Variants in RAC2 observed in about 807,000 individuals in gnomAD.
RAC2 encodes ras-related C3 botulinum toxin substrate 2.
RAC2 carries 1 observed loss-of-function variant against 24.0 expected under a neutral mutation model. The ratio of observed to expected loss-of-function variants is 0.04; its 90% CI spans 0.01 to 0.20. RAC2 has a LOEUF of 0.20. Among genes scored for constraint, RAC2 ranks in the 10% least tolerant of loss-of-function variants. RAC2 has a pLI of 1.00. For missense variants in RAC2, 130 were observed against 259.1 expected (o/e 0.50, Z 3.42); for synonymous variants, 114 against 106.8 (o/e 1.07, Z -0.41).
At chr22:37,237,556 G>A (rs567447597) in intron 2 of RAC2, among the ~76,000 whole-genome samples, 1 of 152,134 alleles carries the variant, frequency 6.6e-6, no homozygotes, top group Non-Finnish European at 1.5e-5. Flanking sequence ...ACACAGCTAG[G>A]GAGGCTGATG....
At chr22:37,228,849 C>A (rs1926967051) in intron 5 of RAC2, among the ~76,000 whole-genome samples, 1 of 152,182 alleles carries the variant, frequency 6.6e-6, no homozygotes, top group Admixed American at 6.5e-5. Context: ...ATGTCACTCG[C>A]TCTGAGTCAC....
At chr22:37,239,901 C>T (rs959964990) in intron 2 of RAC2, among the ~76,000 whole-genome samples, 8 of 152,142 alleles carry the variant, frequency 5.3e-5, no homozygotes, top group African/African-American at 1.7e-4. Context: ...ACCTGATAAA[C>T]GTTTGATAGT....
intron 1 of RAC2, among the ~76,000 whole-genome samples, chr22:37,243,157 C>T (rs9622588): frequency 3.2e-4 from 49 of 152,334 alleles, no homozygotes; most frequent in African/African-American, 1.2e-3. Context: ...TATGCCACCA[C>T]TCCTGGCTTA....
At chr22:37,232,270 G>A (rs1927089397) in intron 3 of RAC2, 1 of 539,288 alleles carries the variant, frequency 1.9e-6, no homozygotes, top group Admixed American at 3.1e-5. Context: ...TCCTCAGACA[G>A]GGAAAGTGAG....
Position 37,231,205 on chromosome 22 carries a change from C to T in RAC2, c.448+26G>A, listed in dbSNP as rs775778136. 4.3e-6 allele frequency: 7 copies of T among 1,612,228 alleles called. No homozygotes were observed. In the Admixed American group the frequency reaches 6.7e-5, roughly 15 times the overall value. The stretch of plus-strand genomic sequence containing the variant: ...GTCAGGGCCTCCCCTGCAGCCAGAT[C>T]GCCCCTCTGAGCCCGAGGCCCATAC... On this transcript the variant is annotated intron_variant, in intron 5 of 6. Transcript: ENST00000249071. This position sits in a 1 kb window ranked among gnomAD's most constrained non-coding sequence, Gnocchi z 5.5.
Position 37,231,408 on chromosome 22 carries a change from G to C in RAC2, c.289-18C>G. ...GGGAACCACTGGGCAGGTGGGTGGG[G>C]GGACACAAGGTTGTATGGGTCAAGA... On this transcript the variant is annotated intron_variant, in intron 4 of 6. Transcript: ENST00000249071. The surrounding 1 kb of genome is among the most constrained non-coding windows in gnomAD (Gnocchi z 5.5). 1 of 1,613,674 alleles carries C rather than the reference G, an allele frequency of 6.2e-7. No individual in the cohort carries two copies. The highest frequency in any genetic ancestry group is 8.5e-7 in the Non-Finnish European group (1 of 1,179,916).
Position 37,232,862 on chromosome 22 carries a change from A to C in RAC2, c.164T>G (p.Leu55Arg). 1 of 1,614,144 alleles carries C rather than the reference A, an allele frequency of 6.2e-7. No homozygotes were observed. The highest frequency in any genetic ancestry group is 8.5e-7 in the Non-Finnish European group (1 of 1,180,034). ...MVDSKPVNLG[L>R]WDTAGQEDYD... ...GTCCTCCTGCCCAGCAGTGTCCCAC[A>C]GCCCCAGGTTCACTGGCTTGCTGTC... The change falls in exon 3 of 7, where the codon CTG (leucine) becomes CGG (arginine). Residue 55 changes from leucine to arginine, a missense_variant. Leu to Arg is a moderately radical substitution (Grantham distance 102). Coordinates refer to ENST00000249071, the MANE Select transcript of RAC2 (RefSeq NM_002872.5).
At chr22:37,230,316 T>A (rs115414326) in intron 5 of RAC2, among the ~76,000 whole-genome samples, 2,084 of 151,966 alleles carry the variant, frequency 0.014, 43 homozygotes, top group African/African-American at 0.047. Context: ...TGGATTCAAT[T>A]TGGGGGCCAA....
chr22:37,233,975 C>A (rs376102817), intron 2 of RAC2, among the ~76,000 whole-genome samples: 1 of 152,200 alleles, frequency 6.6e-6, no homozygotes, highest in Non-Finnish European at 1.5e-5. Flanking sequence ...GGAAGGGCCA[C>A]GGCAAACGGT....
At chr22:37,243,544 G>A (rs766412789) in intron 1 of RAC2, among the ~76,000 whole-genome samples, 1 of 152,254 alleles carries the variant, frequency 6.6e-6, no homozygotes, top group Non-Finnish European at 1.5e-5. Context: ...TGAGGGGAGG[G>A]GAGAGAAAGT....
intron 5 of RAC2, among the ~76,000 whole-genome samples, chr22:37,229,629 C>G (rs370375235): frequency 1.3e-5 from 2 of 152,146 alleles, no homozygotes; most frequent in African/African-American, 4.8e-5. Context: ...CCCTGCCAGT[C>G]CCCCCAGGAC....
rs1372079767 is a variant in RAC2, at chr22:37,231,886, G to C, written c.288+46C>G. 3 of 1,543,806 alleles carry C rather than the reference G, an allele frequency of 1.9e-6. No homozygotes were observed. In the Admixed American group the frequency reaches 5.9e-5, roughly 30 times the overall value. On this transcript the variant is annotated intron_variant, in intron 4 of 6. Transcript: ENST00000249071. This position sits in a 1 kb window ranked among gnomAD's most constrained non-coding sequence, Gnocchi z 5.5. ...CACCAGTTCCTCCCTCTGTCCCTCA[G>C]GGTTACCTGCCCCAGAGCCCCCAAG...
At chr22:37,242,885 G>C (rs576533479) in intron 1 of RAC2, among the ~76,000 whole-genome samples, 3 of 152,376 alleles carry the variant, frequency 2.0e-5, no homozygotes, top group African/African-American at 4.8e-5. Context: ...GAATGGGAAG[G>C]CTGGACAGGA....
At chr22:37,240,935 G>A (rs953850014) in intron 2 of RAC2, 3 of 688,658 alleles carry the variant, frequency 4.4e-6, no homozygotes, top group Non-Finnish European at 8.1e-6. Context: ...CAAAGTAATG[G>A]GTAATAAGGC....
intron 1 of RAC2, among the ~76,000 whole-genome samples, chr22:37,242,199 C>T (rs985390546): frequency 1.3e-5 from 2 of 152,180 alleles, no homozygotes; most frequent in African/African-American, 2.4e-5. Flanking sequence ...TGGCAGCAGC[C>T]GATGGCTGCT....
chr22:37,241,265 T>C, intron 2 of RAC2: 2 of 705,030 alleles, frequency 2.8e-6, no homozygotes, highest in Non-Finnish European at 5.2e-6. Flanking sequence ...AGCAGCCTGC[T>C]TCCGCAGAAG....
At position 37,231,575 on chromosome 22, in the gene RAC2, G is replaced by C. The variant is rs188184789; in HGVS notation, c.289-185C>G. The C allele has an allele frequency of 1.6e-6, 1 of 625,864 alleles. No homozygotes were observed. The highest frequency in any genetic ancestry group is 2.7e-5 in the East Asian group (1 of 36,452). 38.8% of individuals were successfully genotyped at this position (625,864 alleles called of 1,614,324 possible). On this transcript the variant is annotated intron_variant, in intron 4 of 6. Transcript: ENST00000249071. This position sits in a 1 kb window ranked among gnomAD's most constrained non-coding sequence, Gnocchi z 5.5. ...TGGCACAGGGAGGGGAGGCCACGAC[G>C]TTGTGCAGGAAGGAGGGGGCGCATG...
Position 37,226,017 on chromosome 22 carries a change from A to C in RAC2, c.*25T>G. The C allele has an allele frequency of 4.6e-5, 7 of 153,350 alleles. No individual in the cohort carries two copies. The highest frequency in any genetic ancestry group is 1.0e-4 in the Non-Finnish European group (7 of 68,740). The allele number at this position is 153,350 out of a possible 1,614,324, so 9.5% of individuals were successfully genotyped here. A position where few individuals can be genotyped will look rare whatever the true frequency, so the allele number is the denominator to read the frequency against. On this transcript the variant is annotated 3_prime_UTR_variant, in exon 7 of 7. Coordinates refer to ENST00000249071, the MANE Select transcript of RAC2 (RefSeq NM_002872.5). Reference sequence around the variant, plus strand: ...GGATCCTGGAGGATCAGACCCATCTAGGTGGGAGCGCTGGGGTGCAACCTG... The same window carrying C: ...GGATCCTGGAGGATCAGACCCATCTCGGTGGGAGCGCTGGGGTGCAACCTG...
chr22:37,228,919 G>T (rs1463881786), intron 5 of RAC2, among the ~76,000 whole-genome samples: 1 of 152,230 alleles, frequency 6.6e-6, no homozygotes, highest in Non-Finnish European at 1.5e-5. Context: ...CATGGGCAGT[G>T]GTTGTCATGG....
Sources: gnomAD v4.1 joint callset for allele counts (sites outside exome capture counted in the v4.1 genomes callset) on GRCh38, gnomAD v4.1.1 for gene constraint, Gnocchi (gnomAD v3.1) non-coding constraint, MANE v1.5 for transcripts, NCBI Gene and HGNC (gene_info 2026-07-23, HGNC 2026-07-21) for gene names.